RCOR1: variants seen among roughly 807,000 people sequenced by gnomAD.
RCOR1 encodes the protein REST corepressor 1.
In RCOR1, 12 loss-of-function variants were observed where a neutral mutation model predicts 64.0. The observed-to-expected ratio is 0.19, with a 90% CI of 0.12 to 0.30. RCOR1 has a LOEUF of 0.30. RCOR1 is among the 10% of genes least tolerant of loss of function. The probability of loss-of-function intolerance (pLI) is 1.00; values close to 1 mark genes in which losing one functional copy is unlikely to be tolerated. For synonymous variants in RCOR1, 279 were observed against 227.2 expected, an observed-to-expected ratio of 1.23 and a Z score of -2.05; for missense variants, 502 against 621.2, an observed-to-expected ratio of 0.81 and a Z score of 2.04.
Position 102,592,768 on chromosome 14 carries a change from T to C in RCOR1, c.-119T>C, listed in dbSNP as rs999271685. On this transcript the variant is annotated 5_prime_UTR_variant, in exon 1 of 12. Transcript: ENST00000262241. The stretch of plus-strand genomic sequence containing the variant: ...CTCCCCCGACTCGGACTCGCGCCCG[T>C]GGGCTCCCGCCGCGCCCGCCCGGCC... 1 of 1,203,226 alleles carries C rather than the reference T, an allele frequency of 8.3e-7. No homozygotes were observed. The highest frequency in any genetic ancestry group is 1.6e-5 in the African/African-American group (1 of 62,388). 74.5% of individuals were successfully genotyped at this position (1,203,226 alleles called of 1,614,324 possible).
chr14:102,646,762 G>A (rs1894484273), intron 2 of RCOR1, among the ~76,000 whole-genome samples: 1 of 152,174 alleles, frequency 6.6e-6, no homozygotes, highest in Non-Finnish European at 1.5e-5. Context: ...AATGCCCTTA[G>A]GCTTAGAAGA....
intron 2 of RCOR1, among the ~76,000 whole-genome samples, chr14:102,634,323 T>C (rs1177338625): frequency 6.6e-6 from 1 of 152,026 alleles, no homozygotes; most frequent in African/African-American, 2.4e-5. Context: ...CAGTGAGCTA[T>C]ATGATTATGC....
chr14:102,658,722 A>T (rs12435280), intron 2 of RCOR1: 8 of 753,298 alleles, frequency 1.1e-5, no homozygotes, highest in Non-Finnish European at 1.3e-5. Flanking sequence ...TTAGATTCCA[A>T]TAGTTTTCCC....
chr14:102,650,005 T>C lies in RCOR1; in HGVS notation c.362-31890T>C, dbSNP rs150955598. On this transcript the variant is annotated intron_variant, in intron 2 of 11. Transcript: ENST00000262241. ...ACGAGGTCAGGAGATGAGACCATCCTGGCTAACATGGTGAAACCCCGTCTC... is the reference window on the plus strand; with the variant it reads ...ACGAGGTCAGGAGATGAGACCATCCCGGCTAACATGGTGAAACCCCGTCTC... 2.4e-4 allele frequency among the ~76,000 whole-genome samples: 36 copies of C among 151,966 alleles called. No individual in the cohort carries two copies. The East Asian group carries it at 7.0e-3, about 30-fold the overall frequency.
chr14:102,634,610 GTGTATGTA>G (rs1183256586), intron 2 of RCOR1, among the ~76,000 whole-genome samples: 2 of 150,986 alleles, frequency 1.3e-5, no homozygotes, highest in Non-Finnish European at 3.0e-5. Flanking sequence ...ACGTGTGTGT[GTGTATGTA>G]TGTGTGTGTG....
intron 2 of RCOR1, among the ~76,000 whole-genome samples, chr14:102,674,946 G>C (rs1047659461): frequency 3.3e-5 from 5 of 149,630 alleles, no homozygotes; most frequent in Non-Finnish European, 5.9e-5. Context: ...TGTAGTCCCA[G>C]CTACAGGCTG....
chr14:102,623,411 T>C lies in RCOR1; in HGVS notation c.361+30086T>C, dbSNP rs1893916841. On this transcript the variant is annotated intron_variant, in intron 2 of 11. Transcript: ENST00000262241. The stretch of plus-strand genomic sequence containing the variant: ...TATTATTTATTTATTTATTTATTTA[T>C]TTATTTATTTATTTTGAGACGGAGT... Among the ~76,000 whole-genome samples the C allele has an allele frequency of 2.0e-5, 3 of 150,450 alleles. 1 individual carries two copies. The South Asian group carries it at 6.3e-4, about 31-fold the overall frequency.
At chr14:102,616,605 T>C (rs1030719890) in intron 2 of RCOR1, among the ~76,000 whole-genome samples, 11 of 152,174 alleles carry the variant, frequency 7.2e-5, no homozygotes, top group Middle Eastern at 6.8e-3. Flanking sequence ...AAATAAACAG[T>C]CAGGTGAAGA....
At chr14:102,659,645 A>G (rs1894792875) in intron 2 of RCOR1, among the ~76,000 whole-genome samples, 2 of 152,176 alleles carry the variant, frequency 1.3e-5, no homozygotes, top group African/African-American at 2.4e-5. Context: ...AGTTCTTTGT[A>G]GCTTTAATAG....
At chr14:102,609,558 G>C (rs902169271) in intron 2 of RCOR1, among the ~76,000 whole-genome samples, 2 of 152,018 alleles carry the variant, frequency 1.3e-5, no homozygotes, top group African/African-American at 2.4e-5. Flanking sequence ...TCCTGCCTCA[G>C]CTTCCTGAGA....
At chr14:102,668,809 C>T (rs936533025) in intron 2 of RCOR1, among the ~76,000 whole-genome samples, 1 of 152,010 alleles carries the variant, frequency 6.6e-6, no homozygotes, top group Non-Finnish European at 1.5e-5. Flanking sequence ...TTAAATTCTT[C>T]GTGAAATCGC....
intron 2 of RCOR1, among the ~76,000 whole-genome samples, chr14:102,644,043 A>G (rs1894428612): frequency 6.6e-6 from 1 of 152,224 alleles, no homozygotes; most frequent in Admixed American, 6.5e-5. Flanking sequence ...TTAGGAAGAC[A>G]TCAGTTGGGC....
intron 3 of RCOR1, among the ~76,000 whole-genome samples, chr14:102,694,647 G>T (rs1895608536): frequency 6.6e-6 from 1 of 152,136 alleles, no homozygotes; most frequent in African/African-American, 2.4e-5. Flanking sequence ...AAATCCTCAG[G>T]CAGAGTCTCT....
intron 2 of RCOR1, among the ~76,000 whole-genome samples, chr14:102,595,574 C>T (rs1471229146): frequency 6.6e-6 from 1 of 151,820 alleles, no homozygotes; most frequent in African/African-American, 2.4e-5. Flanking sequence ...TTAAAATTTC[C>T]AAATTTCTTT....
At chr14:102,714,841 A>G (rs1896035486) in intron 8 of RCOR1, among the ~76,000 whole-genome samples, 1 of 152,240 alleles carries the variant, frequency 6.6e-6, no homozygotes, top group Non-Finnish European at 1.5e-5. Flanking sequence ...TCTGAAGTAT[A>G]TAGCAAAGCA....
intron 11 of RCOR1, among the ~76,000 whole-genome samples, chr14:102,724,795 T>G (rs184289734): frequency 6.6e-6 from 1 of 152,322 alleles, no homozygotes; most frequent in East Asian, 1.9e-4. Flanking sequence ...AATGCTGGCT[T>G]ACTTGTCTGT....
At chr14:102,629,532 G>GAATTTC in intron 2 of RCOR1, among the ~76,000 whole-genome samples, 1 of 151,812 alleles carries the variant, frequency 6.6e-6, no homozygotes, top group East Asian at 1.9e-4. Context: ...AATACGGACG[G>GAATTTC]AATTTCGAAG....
chr14:102,623,387 A>ATTTAT (rs1555462469), intron 2 of RCOR1, among the ~76,000 whole-genome samples: 111 of 124,834 alleles, frequency 8.9e-4, no homozygotes, highest in African/African-American at 1.0e-3. Flanking sequence ...TTATTTATTT[A>ATTTAT]TTATTTATTT....
At position 102,593,143 on chromosome 14, in the gene RCOR1, C is replaced by G. The variant is rs757175409; in HGVS notation, c.257C>G (p.Ser86Cys). The stretch of plus-strand genomic sequence containing the variant: ...CCCAATGGCAACAGCAGCAGCAACT[C>G]CTGGGAGGAAGGCAGCTCGGGCTCG... ...AAPNGNSSSN[S>C]WEEGSSGSSS... Residue 86 changes from serine to cysteine, a missense_variant, in exon 1 of 12, where the codon TCC (serine) becomes TGC (cysteine). Coordinates refer to ENST00000262241, the MANE Select transcript of RCOR1 (RefSeq NM_015156.4). The G allele has an allele frequency of 6.5e-7, 1 of 1,530,132 alleles. No homozygotes were observed. Among genetic ancestry groups the G allele is most frequent in the Non-Finnish European group, 8.7e-7 (1 of 1,144,162 alleles). 94.8% of individuals were successfully genotyped at this position (1,530,132 alleles called of 1,614,324 possible).
Sources: allele counts gnomAD v4.1 joint callset (sites outside exome capture counted in the v4.1 genomes callset), GRCh38; gene constraint gnomAD v4.1.1; transcripts MANE v1.5; gene names NCBI Gene and HGNC (gene_info 2026-07-23, HGNC 2026-07-21).